FHIT: variants seen among roughly 807,000 people sequenced by gnomAD.
The protein encoded by FHIT is fragile histidine triad diadenosine triphosphatase, also known as bis(5'-adenosyl)-triphosphatase.
A neutral mutation model predicts 17.9 loss-of-function variants in FHIT; 19 were observed. The ratio of observed to expected loss-of-function variants is 1.06; its 90% CI spans 0.74 to 1.56. FHIT has a LOEUF of 1.56. Among genes scored for constraint, FHIT ranks in the 40% most tolerant of loss-of-function variants. The pLI, the probability that FHIT is intolerant of heterozygous loss-of-function variation, is 0.00. For missense variants in FHIT, 248 were observed against 189.2 expected (o/e 1.31, Z -1.82); for synonymous variants, 81 against 69.7 (o/e 1.16, Z -0.81).
intron 3 of FHIT, among the ~76,000 whole-genome samples, chr3:60,985,565 G>A (rs934588454): frequency 2.6e-5 from 4 of 152,166 alleles, no homozygotes; most frequent in Non-Finnish European, 5.9e-5. Context: ...TCTATCTCAT[G>A]TACAGACGGG....
chr3:60,135,597 C>T (rs891542566), intron 5 of FHIT, among the ~76,000 whole-genome samples: 1 of 152,094 alleles, frequency 6.6e-6, no homozygotes, highest in Admixed American at 6.5e-5. Flanking sequence ...CATGAAGTAA[C>T]CCGACTGACT....
chr3:60,438,919 C>T (rs2030538960), intron 5 of FHIT, among the ~76,000 whole-genome samples: 1 of 152,102 alleles, frequency 6.6e-6, no homozygotes, highest in South Asian at 2.1e-4. Context: ...AATTCCCAAA[C>T]CCATCATACT....
chr3:60,984,088 CT>C (rs1710612836), intron 3 of FHIT, among the ~76,000 whole-genome samples: 2 of 152,196 alleles, frequency 1.3e-5, no homozygotes, highest in African/African-American at 4.8e-5. Context: ...GTCTGTGGAT[CT>C]TCTTGATATT....
At chr3:60,097,602 G>A (rs1704009453) in intron 5 of FHIT, among the ~76,000 whole-genome samples, 1 of 152,032 alleles carries the variant, frequency 6.6e-6, no homozygotes, top group Non-Finnish European at 1.5e-5. Flanking sequence ...CGATAAGGAT[G>A]AAAAGTCTTT....
At chr3:60,374,334 T>A (rs998555047) in intron 5 of FHIT, among the ~76,000 whole-genome samples, 3 of 152,120 alleles carry the variant, frequency 2.0e-5, no homozygotes, top group African/African-American at 7.2e-5. Context: ...TCTATTTTTT[T>A]AAACAATATT....
rs118133593 is a variant in FHIT, at chr3:59,974,914, G to A, written c.279+36457C>T. 8.0e-4 allele frequency among the ~76,000 whole-genome samples: 121 copies of A among 152,186 alleles called. 3 individuals are homozygous for A. The East Asian group carries it at 0.011, about 13-fold the overall frequency. ...ACAAAAGCAGGTTGCATTCTACCACGGCTATTCATTACAAATAATTTTACT... is the reference window on the plus strand; with the variant it reads ...ACAAAAGCAGGTTGCATTCTACCACAGCTATTCATTACAAATAATTTTACT... On this transcript the variant is annotated intron_variant, in intron 7 of 9. Coordinates refer to ENST00000492590, the MANE Select transcript of FHIT (RefSeq NM_002012.4).
At chr3:60,272,207 G>A (rs1188767762) in intron 5 of FHIT, among the ~76,000 whole-genome samples, 1 of 152,188 alleles carries the variant, frequency 6.6e-6, no homozygotes. Context: ...TTAAGAGTGA[G>A]AGTTAAGTGG....
intron 3 of FHIT, among the ~76,000 whole-genome samples, chr3:60,850,085 G>T (rs1703090321): frequency 6.6e-6 from 1 of 151,796 alleles, no homozygotes; most frequent in African/African-American, 2.4e-5. Flanking sequence ...CCCCTCACAG[G>T]CCCCCATTCA....
At chr3:60,229,297 A>G (rs755265198) in intron 5 of FHIT, among the ~76,000 whole-genome samples, 47 of 152,132 alleles carry the variant, frequency 3.1e-4, no homozygotes, top group Admixed American at 8.5e-4. Flanking sequence ...AGCATCTGCA[A>G]TCCCAGCTAC....
intron 5 of FHIT, among the ~76,000 whole-genome samples, chr3:60,436,450 G>T (rs1306139636): frequency 6.6e-6 from 1 of 152,062 alleles, no homozygotes; most frequent in Non-Finnish European, 1.5e-5. Flanking sequence ...TGCCCATCAT[G>T]CCAGCCACTG....
At chr3:60,219,701 T>C (rs1279155431) in intron 5 of FHIT, among the ~76,000 whole-genome samples, 2 of 152,164 alleles carry the variant, frequency 1.3e-5, no homozygotes, top group South Asian at 4.1e-4. Flanking sequence ...AAACTATCTG[T>C]TTCTCCTCAA....
At chr3:60,823,751 T>C (rs1479148569) in intron 3 of FHIT, among the ~76,000 whole-genome samples, 2 of 152,180 alleles carry the variant, frequency 1.3e-5, no homozygotes, top group African/African-American at 2.4e-5. Context: ...AGGAAATCAA[T>C]ACAGTGTGTT....
At chr3:61,014,701 A>T (rs186652828) in intron 3 of FHIT, among the ~76,000 whole-genome samples, 1,805 of 145,720 alleles carry the variant, frequency 0.012, 38 homozygotes, top group African/African-American at 0.044. Flanking sequence ...AATGGCGTGA[A>T]CCCAGGAGGC....
intron 3 of FHIT, among the ~76,000 whole-genome samples, chr3:60,855,639 A>G (rs1703351205): frequency 6.6e-6 from 1 of 152,150 alleles, no homozygotes; most frequent in Non-Finnish European, 1.5e-5. Flanking sequence ...AGGCAGCTGA[A>G]AGCATTCAGA....
At chr3:60,832,282 A>T (rs565040528) in intron 3 of FHIT, among the ~76,000 whole-genome samples, 9 of 152,310 alleles carry the variant, frequency 5.9e-5, no homozygotes, top group African/African-American at 2.2e-4. Flanking sequence ...ACCAATGAGG[A>T]AACAGAGGCA....
chr3:60,300,644 T>C (rs1708420080), intron 5 of FHIT, among the ~76,000 whole-genome samples: 1 of 152,098 alleles, frequency 6.6e-6, no homozygotes, highest in South Asian at 2.1e-4. Flanking sequence ...ATAAAGGGCA[T>C]GTTATTGCAC....
chr3:59,756,838 A>G (rs1701245035), intron 8 of FHIT, among the ~76,000 whole-genome samples: 1 of 152,162 alleles, frequency 6.6e-6, no homozygotes, highest in African/African-American at 2.4e-5. Flanking sequence ...GTGTAAATCA[A>G]CCTGCACTAT....
rs1476180973 is a variant in FHIT, at chr3:60,741,539, C to T, written c.-18+80380G>A. The stretch of plus-strand genomic sequence containing the variant: ...GGGACATCCCAAGACAGACTCCACT[C>T]GGACTCAACTGATAATACACACTTT... On this transcript the variant is annotated intron_variant, in intron 4 of 9. Transcript: ENST00000492590. Among the ~76,000 whole-genome samples, 15 of 152,354 alleles carry T rather than the reference C, an allele frequency of 9.8e-5. No individual in the cohort carries two copies. The East Asian group carries it at 1.5e-3, about 16-fold the overall frequency.
At chr3:60,377,009 C>A (rs1363453292) in intron 5 of FHIT, among the ~76,000 whole-genome samples, 1 of 152,128 alleles carries the variant, frequency 6.6e-6, no homozygotes. Context: ...TAATGTTTAT[C>A]CTTTCTTACT....
Sources: allele counts gnomAD v4.1 joint callset (sites outside exome capture counted in the v4.1 genomes callset), GRCh38; gene constraint gnomAD v4.1.1; transcripts MANE v1.5; gene names NCBI Gene and HGNC (gene_info 2026-07-23, HGNC 2026-07-21).